Variants in PRKN observed in about 807,000 individuals in gnomAD.
The protein encoded by PRKN is parkin RBR E3 ubiquitin protein ligase, also known as E3 ubiquitin-protein ligase parkin.
In PRKN, 56 loss-of-function variants were observed where a neutral mutation model predicts 59.5. That is an observed-to-expected ratio of 0.94 (90% CI 0.76 to 1.18). PRKN has a LOEUF of 1.18. PRKN is among the 50% of genes most tolerant of loss of function. PRKN has a pLI of 0.00. For missense variants in PRKN, 657 were observed against 596.4 expected, an observed-to-expected ratio of 1.10 and a Z score of -1.06; for synonymous variants, 250 against 222.1, an observed-to-expected ratio of 1.13 and a Z score of -1.12.
intron 1 of PRKN, among the ~76,000 whole-genome samples, chr6:162,526,276 A>AG (rs1778279708): frequency 6.6e-6 from 1 of 151,666 alleles, no homozygotes; most frequent in Non-Finnish European, 1.5e-5. Flanking sequence ...TAAGGGAAAA[A>AG]AAAAAACAAC....
rs75215200 is a variant in PRKN at position 162,190,781 on chromosome 6, T to C, written c.534+10350A>G. 3.8e-3 allele frequency among the ~76,000 whole-genome samples: 584 copies of C among 152,334 alleles called. 3 individuals carry two copies. Among genetic ancestry groups the C allele is most frequent in the African/African-American group, 0.014 (562 of 41,574 alleles). Reference sequence around the variant, plus strand: ...TCTTATAAAGCATCAACAAAGGATCTACTATGTAGGAAGAAAAGGCTACTA... The same window carrying C: ...TCTTATAAAGCATCAACAAAGGATCCACTATGTAGGAAGAAAAGGCTACTA... On this transcript the variant is annotated intron_variant, in intron 4 of 11. Coordinates refer to ENST00000366898, the MANE Select transcript of PRKN (RefSeq NM_004562.3).
intron 6 of PRKN, among the ~76,000 whole-genome samples, chr6:161,915,056 A>C (rs147842654): frequency 0.084 from 12,810 of 152,174 alleles, 825 homozygotes; most frequent in East Asian, 0.34. Context: ...AGGCTGAGAC[A>C]GGTGGATCAC....
intron 5 of PRKN, among the ~76,000 whole-genome samples, chr6:161,992,336 T>C (rs1163282643): frequency 6.6e-6 from 1 of 152,092 alleles, no homozygotes; most frequent in Non-Finnish European, 1.5e-5. Flanking sequence ...TGAGATTCTG[T>C]CTTTAAAAAA....
chr6:161,750,380 T>C (rs1203305268), intron 7 of PRKN, among the ~76,000 whole-genome samples: 1 of 152,130 alleles, frequency 6.6e-6, no homozygotes, highest in Non-Finnish European at 1.5e-5. Context: ...TTGAAACTAA[T>C]GTGTTGGAAG....
chr6:162,311,149 T>G (rs556080011), intron 2 of PRKN, among the ~76,000 whole-genome samples: 410 of 152,268 alleles, frequency 2.7e-3, no homozygotes, highest in Non-Finnish European at 3.7e-3. Context: ...CCTGTAACAG[T>G]TGAAGTTTTG....
intron 7 of PRKN, among the ~76,000 whole-genome samples, chr6:161,682,952 C>T (rs1445337583): frequency 2.0e-5 from 3 of 152,176 alleles, no homozygotes; most frequent in East Asian, 1.9e-4. Context: ...GGGCAGCTCA[C>T]GGAAAGGACA....
chr6:162,646,281 T>A (rs376062159), intron 1 of PRKN, among the ~76,000 whole-genome samples: 2 of 142,116 alleles, frequency 1.4e-5, no homozygotes, highest in Admixed American at 7.1e-5. Flanking sequence ...TTTTTTTTTT[T>A]ATTTTTTCAT....
intron 1 of PRKN, among the ~76,000 whole-genome samples, chr6:162,673,489 C>T (rs1484286441): frequency 1.3e-5 from 2 of 152,098 alleles, no homozygotes; most frequent in African/African-American, 2.4e-5. Context: ...GGGCTCACAC[C>T]GTGCTCCCAC....
intron 2 of PRKN, among the ~76,000 whole-genome samples, chr6:162,356,829 A>G (rs1415044674): frequency 6.6e-6 from 1 of 151,792 alleles, no homozygotes; most frequent in African/African-American, 2.4e-5. Context: ...ACACAAATAC[A>G]GTCAACTGAT....
chr6:161,777,837 CGTATATATGTATATATGT>C (rs1562676560), intron 7 of PRKN, among the ~76,000 whole-genome samples: 1 of 134,744 alleles, frequency 7.4e-6, no homozygotes, highest in African/African-American at 2.8e-5. Context: ...TATATGTATA[CGTATATATGTATATATGT>C]GTATATATGT....
At chr6:162,148,412 C>A (rs1782119789) in intron 4 of PRKN, among the ~76,000 whole-genome samples, 1 of 151,250 alleles carries the variant, frequency 6.6e-6, no homozygotes, top group African/African-American at 2.4e-5. Flanking sequence ...GGGGACCATT[C>A]TGTCACCAGT....
chr6:162,305,904 T>A (rs1782200617), intron 2 of PRKN, among the ~76,000 whole-genome samples: 1 of 152,128 alleles, frequency 6.6e-6, no homozygotes, highest in South Asian at 2.1e-4. Flanking sequence ...CATATATACA[T>A]GTTAATGTCA....
At chr6:161,617,958 T>G (rs1782756401) in intron 7 of PRKN, among the ~76,000 whole-genome samples, 1 of 152,194 alleles carries the variant, frequency 6.6e-6, no homozygotes, top group African/African-American at 2.4e-5. Context: ...AGTAAAATCC[T>G]TAAGGCTCAC....
intron 4 of PRKN, among the ~76,000 whole-genome samples, chr6:162,077,046 T>C (rs1370398775): frequency 2.6e-5 from 4 of 151,766 alleles, no homozygotes; most frequent in Non-Finnish European, 5.9e-5. Flanking sequence ...GGGAAGAGAG[T>C]GGGCAGGCTG....
intron 1 of PRKN, among the ~76,000 whole-genome samples, chr6:162,463,849 T>TAAAA (rs1481271487): frequency 6.6e-6 from 1 of 152,212 alleles, no homozygotes; most frequent in Non-Finnish European, 1.5e-5. Context: ...AAGTCTCAGA[T>TAAAA]ACTTCACAGT....
chr6:161,927,143 CA>C (rs1029685005), intron 6 of PRKN, among the ~76,000 whole-genome samples: 111 of 152,110 alleles, frequency 7.3e-4, no homozygotes, highest in African/African-American at 2.6e-3. Context: ...TCTAGTTTGC[CA>C]ATGATAGTTT....
intron 9 of PRKN, among the ~76,000 whole-genome samples, chr6:161,387,822 T>G (rs1232279786): frequency 1.3e-5 from 2 of 152,050 alleles, no homozygotes. Context: ...AAAGGGAAGA[T>G]GAGGTTGTTA....
intron 7 of PRKN, among the ~76,000 whole-genome samples, chr6:161,785,456 T>C (rs1301730842): frequency 6.6e-6 from 1 of 152,186 alleles, no homozygotes; most frequent in Non-Finnish European, 1.5e-5. Context: ...ACTGCTCTAG[T>C]TCCACGGTAA....
chr6:161,491,545 GAC>G (rs1340899576), intron 9 of PRKN, among the ~76,000 whole-genome samples: 3 of 152,148 alleles, frequency 2.0e-5, no homozygotes, highest in African/African-American at 7.2e-5. Context: ...ATTAGGTAAA[GAC>G]ACACATTTCA....
Sources: allele counts gnomAD v4.1 joint callset (sites outside exome capture counted in the v4.1 genomes callset), GRCh38; gene constraint gnomAD v4.1.1; transcripts MANE v1.5; gene names NCBI Gene and HGNC (gene_info 2026-07-23, HGNC 2026-07-21).